Variants in SCAF8 observed in about 807,000 individuals in gnomAD.
SCAF8 encodes the protein SR-related and CTD-associated factor 8.
Under a neutral mutation model 140.5 loss-of-function variants are expected in SCAF8, and 23 were observed. The ratio of observed to expected loss-of-function variants is 0.16; its 90% confidence interval spans 0.12 to 0.23. The LOEUF (loss-of-function observed/expected upper bound fraction) is 0.23. SCAF8 is among the 10% of genes least tolerant of loss of function. The probability of loss-of-function intolerance (pLI) is 1.00; values close to 1 mark genes in which losing one functional copy is unlikely to be tolerated. For missense variants in SCAF8, 1,397 were observed against 1,555.7 expected (o/e 0.90, Z 1.72); for synonymous variants, 575 against 528.9 (o/e 1.09, Z -1.20).
At chr6:154,808,329 C>T (rs893034006) in intron 10 of SCAF8, 128 bp downstream of exon 10, 54 of 967,388 alleles carry the variant, frequency 5.6e-5, no homozygotes, top group Non-Finnish European at 8.1e-5. Flanking sequence ...AATTGTTTCA[C>T]CTATTAGGCC....
rs143765699 is a variant in SCAF8 at position 154,776,853 on chromosome 6, G to C, written c.115-1148G>C. On this transcript the variant is annotated intron_variant, in intron 2 of 19. Coordinates refer to ENST00000367178, the MANE Select transcript of SCAF8 (RefSeq NM_014892.5). Reference sequence around the variant, plus strand: ...ATGTTCCTATTTCTTCAGTCTAAGGGAATGTCCTTAAAAAGCATAATTCAC... The same window carrying C: ...ATGTTCCTATTTCTTCAGTCTAAGGCAATGTCCTTAAAAAGCATAATTCAC... Among the ~76,000 whole-genome samples, 375 of 152,258 alleles carry C rather than the reference G, an allele frequency of 2.5e-3. 1 individual carries two copies. Among genetic ancestry groups the C allele is most frequent in the African/African-American group, 8.3e-3 (346 of 41,568 alleles).
intron 11 of SCAF8, 120 bp downstream of exon 11, chr6:154,808,918 G>GA: frequency 1.5e-6 from 1 of 664,166 alleles, no homozygotes; most frequent in East Asian, 2.7e-5. Context: ...CAGTCTCTCG[G>GA]AAAAAAAGTT....
intron 1 of SCAF8, among the ~76,000 whole-genome samples, chr6:154,735,284 C>T (rs929289814): frequency 2.0e-5 from 3 of 152,008 alleles, no homozygotes; most frequent in Non-Finnish European, 4.4e-5. Context: ...TTTGCTGTGA[C>T]GGCCCAAATA....
Position 154,756,487 on chromosome 6 carries a change from A to G in SCAF8, c.31-17502A>G, listed in dbSNP as rs182456162. Among the ~76,000 whole-genome samples, 270 of 152,302 alleles carry G rather than the reference A, an allele frequency of 1.8e-3. 1 individual carries two copies. Among genetic ancestry groups the G allele is most frequent in the Non-Finnish European group, 3.2e-3 (219 of 68,018 alleles). On this transcript the variant is annotated intron_variant, in intron 1 of 19. Transcript: ENST00000367178. ...GCAGAATATAGTGCTGGTGTTCAGT[A>G]GTTAGACGAATGTTGGCTTGGCCTG...
intron 12 of SCAF8, among the ~76,000 whole-genome samples, chr6:154,811,421 T>A (rs983029739): frequency 1.3e-5 from 2 of 152,124 alleles, no homozygotes; most frequent in East Asian, 1.9e-4. Flanking sequence ...CCATTTAATT[T>A]TCTATTTCAT....
At chr6:154,771,174 A>G (rs1776755707) in intron 1 of SCAF8, among the ~76,000 whole-genome samples, 1 of 152,238 alleles carries the variant, frequency 6.6e-6, no homozygotes, top group Admixed American at 6.5e-5. Context: ...CATACAAGTA[A>G]ACATCAGATT....
At chr6:154,824,477 C>T (rs1042451246) in intron 17 of SCAF8, 99 bp downstream of exon 17, 3 of 1,098,804 alleles carry the variant, frequency 2.7e-6, no homozygotes. Context: ...GTTCTGAGAC[C>T]TTAGCATGCA....
chr6:154,830,805 A>G lies in SCAF8; in HGVS notation c.2141-117A>G, dbSNP rs1778707924. The G allele has an allele frequency of 4.6e-6, 3 of 658,200 alleles. 1 individual carries two copies. The South Asian group carries it at 6.2e-5, about 14-fold the overall frequency. The allele number at this position is 658,200 out of a possible 1,614,324, so 40.8% of individuals were successfully genotyped here. On this transcript the variant is annotated intron_variant, in intron 18 of 19. Coordinates refer to ENST00000367178, the MANE Select transcript of SCAF8 (RefSeq NM_014892.5). ...TTTTGTCATTTGAGCATTGGTTATTATATAATGTGCTTAGTAATACAGAGA... is the reference window on the plus strand; with the variant it reads ...TTTTGTCATTTGAGCATTGGTTATTGTATAATGTGCTTAGTAATACAGAGA...
At chr6:154,778,079 T>C in intron 3 of SCAF8, 34 bp downstream of exon 3, 2 of 1,261,538 alleles carry the variant, frequency 1.6e-6, no homozygotes, top group Non-Finnish European at 2.3e-6. Flanking sequence ...TGTGCTGTAA[T>C]TGTAGATTAA....
intron 6 of SCAF8, among the ~76,000 whole-genome samples, chr6:154,796,561 A>T (rs563512222): frequency 6.6e-6 from 1 of 152,050 alleles, no homozygotes; most frequent in Non-Finnish European, 1.5e-5. Flanking sequence ...TCTATTTTCA[A>T]ATTAGGATTA....
chr6:154,776,527 T>C (rs1025754543), intron 2 of SCAF8, among the ~76,000 whole-genome samples: 2 of 152,188 alleles, frequency 1.3e-5, no homozygotes, highest in African/African-American at 4.8e-5. Context: ...TTTAATTATG[T>C]ATAGTAACAA....
chr6:154,802,069 T>C lies in SCAF8; in HGVS notation c.705T>C (p.Ala235=), dbSNP rs1239248631. ...LDAGLVVQLQ[A]LTAQLTAAAA... The stretch of plus-strand genomic sequence containing the variant: ...CTGGTCTTGTTGTTCAGTTGCAAGC[T>C]CTTACGGCACAACTTACAGCTGCAG... Residue 235 remains alanine (A), a synonymous_variant, in exon 7 of 20, where the codon GCT becomes GCC. Transcript: ENST00000367178. 6.2e-7 allele frequency: 1 copy of C among 1,613,566 alleles called. No homozygotes were observed.
chr6:154,786,532 G>A (rs920767204), intron 3 of SCAF8, among the ~76,000 whole-genome samples: 1 of 152,212 alleles, frequency 6.6e-6, no homozygotes, highest in Non-Finnish European at 1.5e-5. Flanking sequence ...GTCTTTTTGG[G>A]AAAGGGCTAT....
intron 18 of SCAF8, among the ~76,000 whole-genome samples, chr6:154,830,706 TC>T (rs1410316202): frequency 1.3e-5 from 2 of 152,226 alleles, no homozygotes; most frequent in Admixed American, 1.3e-4. Flanking sequence ...GTGAAATATT[TC>T]TGAAAATTGT....
rs754341922 is a variant in SCAF8 at position 154,833,289 on chromosome 6, A to C, written c.3710A>C (p.Tyr1237Ser). The C allele has an allele frequency of 6.2e-6, 10 of 1,613,930 alleles. No homozygotes were observed. Among genetic ancestry groups the C allele is most frequent in the Non-Finnish European group, 8.5e-6 (10 of 1,179,994 alleles). ...PIPVQNDPELYEKLTSSNEIN... is the reference protein window; with the variant it reads ...PIPVQNDPELSEKLTSSNEIN... ...CCAGTACAGAATGATCCTGAACTTT[A>C]TGAAAAACTGACATCTTCAAATGAA... Residue 1237 changes from tyrosine (Y) to serine (S), a missense_variant, in exon 20 of 20, where the codon TAT becomes TCT. Around this residue, in one of 5 missense-constraint regions of SCAF8, gnomAD observed 930 missense variants for 874.6 expected, o/e 1.06. Transcript: ENST00000367178.
chr6:154,810,024 A>G lies in SCAF8; in HGVS notation c.1236A>G (p.Arg412=). Residue 412 remains arginine, a synonymous_variant, in exon 12 of 20, where the codon AGA becomes AGG. Coordinates refer to ENST00000367178, the MANE Select transcript of SCAF8 (RefSeq NM_014892.5). ...TGAAAATTTTTTGTAGATCACCAAG[A>G]AAACGAAGGTCTAGGTCACGGTCTG... ...THSRSRSRSP[R]KRRSRSRSGS... is the part of the protein sequence containing the mutation. 1 of 1,588,808 alleles carries G rather than the reference A, an allele frequency of 6.3e-7. No homozygotes were observed. Among genetic ancestry groups the G allele is most frequent in the South Asian group, 1.2e-5 (1 of 84,644 alleles).
chr6:154,815,914 C>G, intron 13 of SCAF8, 98 bp downstream of exon 13: 1 of 621,666 alleles, frequency 1.6e-6, no homozygotes. Context: ...TAATGTCTGC[C>G]TTAAATAATA....
At chr6:154,752,235 G>A (rs1286245662) in intron 1 of SCAF8, among the ~76,000 whole-genome samples, 3 of 152,138 alleles carry the variant, frequency 2.0e-5, no homozygotes, top group East Asian at 1.9e-4. Flanking sequence ...ACAGTTGGCC[G>A]CCAGGAAGGA....
intron 12 of SCAF8, among the ~76,000 whole-genome samples, chr6:154,813,926 C>T (rs1396882581): frequency 6.6e-6 from 1 of 152,192 alleles, no homozygotes; most frequent in Non-Finnish European, 1.5e-5. Context: ...AACAGATTCT[C>T]CCCTAGAGCC....
Sources: allele counts gnomAD v4.1 joint callset (sites outside exome capture counted in the v4.1 genomes callset), GRCh38; gene constraint gnomAD v4.1.1; regional missense constraint gnomAD v4.1.1; transcripts MANE v1.5; gene names NCBI Gene and HGNC (gene_info 2026-07-23, HGNC 2026-07-21).